ASAP1: variants seen among roughly 807,000 people sequenced by gnomAD.
The protein encoded by ASAP1 is arf-GAP with SH3 domain, ANK repeat and PH domain-containing protein 1.
A neutral mutation model predicts 145.2 loss-of-function variants in ASAP1; 43 were observed. The ratio of observed to expected loss-of-function variants is 0.30; its 90% confidence interval spans 0.23 to 0.38. ASAP1 has a LOEUF of 0.38. ASAP1 is among the 10% of genes least tolerant of loss of function. The probability of loss-of-function intolerance (pLI) is 1.00; values close to 1 mark genes in which losing one functional copy is unlikely to be tolerated. For synonymous variants in ASAP1, 546 were observed against 515.5 expected (o/e 1.06, Z -0.80); for missense variants, 1,018 against 1,355.3 (o/e 0.75, Z 3.91).
Position 130,159,979 on chromosome 8 carries a change from C to T in ASAP1, c.910-15G>A. 6.2e-7 allele frequency: 1 copy of T among 1,605,894 alleles called. No homozygotes were observed. Among genetic ancestry groups the T allele is most frequent in the Non-Finnish European group, 8.5e-7 (1 of 1,172,586 alleles). On this transcript the variant is annotated splice_polypyrimidine_tract_variant and intron_variant, in intron 11 of 29. Transcript: ENST00000518721. Reference sequence around the variant, plus strand: ...CTCTGAGAATCCTAGGAAAGAAAAACTACAGATTAAACAAAAACTAGAGAC... The same window carrying T: ...CTCTGAGAATCCTAGGAAAGAAAAATTACAGATTAAACAAAAACTAGAGAC...
At chr8:130,273,406 A>C (rs796435344) in intron 3 of ASAP1, among the ~76,000 whole-genome samples, 3 of 152,300 alleles carry the variant, frequency 2.0e-5, no homozygotes, top group African/African-American at 7.2e-5. Flanking sequence ...CAGAAGGGGA[A>C]AGTAAGGAAG....
intron 23 of ASAP1, 145 bp downstream of exon 23, chr8:130,115,483 A>G: frequency 3.0e-6 from 2 of 676,884 alleles, no homozygotes; most frequent in South Asian, 3.6e-5. Context: ...AATGGTGCCC[A>G]ATAAGGACTG....
intron 1 of ASAP1, among the ~76,000 whole-genome samples, chr8:130,417,012 C>T (rs540569724): frequency 6.6e-6 from 1 of 152,372 alleles, no homozygotes; most frequent in South Asian, 2.1e-4. Flanking sequence ...CATTTGCATA[C>T]ACGCATATGG....
intron 1 of ASAP1, among the ~76,000 whole-genome samples, chr8:130,425,684 G>A (rs537527585): frequency 6.6e-6 from 1 of 152,244 alleles, no homozygotes; most frequent in African/African-American, 2.4e-5. Context: ...TTAGGGATCA[G>A]AGAATGACAG....
intron 20 of ASAP1, among the ~76,000 whole-genome samples, chr8:130,117,909 T>C (rs2097559018): frequency 6.6e-6 from 1 of 152,218 alleles, no homozygotes; most frequent in Non-Finnish European, 1.5e-5. Flanking sequence ...ATAAACAAAA[T>C]AATAAAGTTT....
intron 27 of ASAP1, among the ~76,000 whole-genome samples, chr8:130,075,384 T>C (rs540908820): frequency 6.6e-6 from 1 of 152,280 alleles, no homozygotes; most frequent in East Asian, 1.9e-4. Context: ...GTTACTTCAC[T>C]GAAGAACTCT....
intron 25 of ASAP1, among the ~76,000 whole-genome samples, chr8:130,085,823 A>T (rs950088510): frequency 6.6e-6 from 1 of 152,030 alleles, no homozygotes; most frequent in African/African-American, 2.4e-5. Context: ...ATCTGTCCAC[A>T]GGACTATTTG....
At chr8:130,113,519 T>C (rs375545649) in intron 23 of ASAP1, among the ~76,000 whole-genome samples, 65 of 152,350 alleles carry the variant, frequency 4.3e-4, no homozygotes, top group African/African-American at 1.4e-3. Context: ...CCTCTTAAAG[T>C]TGTTAAGGCT....
intron 15 of ASAP1, among the ~76,000 whole-genome samples, chr8:130,132,084 A>C (rs1260204406): frequency 6.6e-6 from 1 of 152,192 alleles, no homozygotes; most frequent in African/African-American, 2.4e-5. Flanking sequence ...ATGAAATCGG[A>C]GAAGGAGAAA....
chr8:130,356,569 T>C (rs1406051967), intron 3 of ASAP1, among the ~76,000 whole-genome samples: 2 of 152,148 alleles, frequency 1.3e-5, no homozygotes, highest in Non-Finnish European at 2.9e-5. Flanking sequence ...AAAAATCCAT[T>C]TACCTCTGGT....
At chr8:130,118,049 G>T in intron 20 of ASAP1, 112 bp downstream of exon 20, 2 of 816,970 alleles carry the variant, frequency 2.4e-6, no homozygotes, top group East Asian at 2.7e-5. Flanking sequence ...TTTATATCTA[G>T]CATGACACAG....
At chr8:130,134,212 G>T in intron 15 of ASAP1, 84 bp downstream of exon 15, 1 of 1,122,476 alleles carries the variant, frequency 8.9e-7, no homozygotes, top group Non-Finnish European at 1.3e-6. Context: ...TCTTACAAAT[G>T]AAAAGAAAAT....
intron 2 of ASAP1, among the ~76,000 whole-genome samples, chr8:130,380,662 A>G (rs1224720149): frequency 6.6e-6 from 1 of 152,216 alleles, no homozygotes; most frequent in African/African-American, 2.4e-5. Context: ...AACCCAGTGC[A>G]ACCCATGCAT....
chr8:130,323,999 A>G (rs939131076), intron 3 of ASAP1, among the ~76,000 whole-genome samples: 1 of 152,154 alleles, frequency 6.6e-6, no homozygotes, highest in East Asian at 1.9e-4. Flanking sequence ...TCCCTCAGTT[A>G]TCACCCTATT....
chr8:130,438,521 G>A (rs1361215608), intron 1 of ASAP1, among the ~76,000 whole-genome samples: 1 of 152,168 alleles, frequency 6.6e-6, no homozygotes, highest in Non-Finnish European at 1.5e-5. Context: ...AATGGACTGG[G>A]GGCAGACTCT....
At chr8:130,197,832 A>T (rs544429313) in intron 5 of ASAP1, among the ~76,000 whole-genome samples, 1 of 152,198 alleles carries the variant, frequency 6.6e-6, no homozygotes, top group Non-Finnish European at 1.5e-5. Flanking sequence ...CAGAAGATTG[A>T]GGCCCTGAGT....
intron 23 of ASAP1, 188 bp from the exon 24 acceptor site, chr8:130,112,510 A>G: frequency 1.8e-6 from 1 of 558,330 alleles, no homozygotes; most frequent in East Asian, 3.0e-5. Flanking sequence ...CCACACTTTC[A>G]TATCGTTCAC....
At chr8:130,134,999 T>G (rs1026504638) in intron 14 of ASAP1, among the ~76,000 whole-genome samples, 15 of 152,190 alleles carry the variant, frequency 9.9e-5, no homozygotes, top group African/African-American at 3.6e-4. Flanking sequence ...AAAGGCTCAA[T>G]CTCTGCTATC....
intron 15 of ASAP1, among the ~76,000 whole-genome samples, chr8:130,133,662 C>CA (rs869073604): frequency 3.4e-5 from 5 of 145,478 alleles, no homozygotes; most frequent in Admixed American, 1.4e-4. Flanking sequence ...GACTCCGTCT[C>CA]AAAAACAAAC....
Sources: allele counts gnomAD v4.1 joint callset (sites outside exome capture counted in the v4.1 genomes callset), GRCh38; gene constraint gnomAD v4.1.1; transcripts MANE v1.5; gene names NCBI Gene and HGNC (gene_info 2026-07-23, HGNC 2026-07-21).